TRAPPC9: variants seen among roughly 807,000 people sequenced by gnomAD.
TRAPPC9 encodes the protein trafficking protein particle complex subunit 9, also known as IKK2 binding protein.
TRAPPC9 carries 83 observed loss-of-function variants against 124.0 expected under a neutral mutation model. That is an observed-to-expected ratio of 0.67 (90% confidence interval 0.56 to 0.80). The LOEUF (loss-of-function observed/expected upper bound fraction) is 0.80, where lower values mean the gene tolerates loss of function less well. TRAPPC9 is among the 30% of genes least tolerant of loss of function. The pLI, the probability that TRAPPC9 is intolerant of heterozygous loss-of-function variation, is 0.00. For synonymous variants in TRAPPC9, 638 were observed against 617.5 expected (o/e 1.03, Z -0.49); for missense variants, 1,302 against 1,508.3 (o/e 0.86, Z 2.27).
intron 20 of TRAPPC9, among the ~76,000 whole-genome samples, chr8:139,888,760 A>G (rs1277045387): frequency 2.0e-5 from 3 of 152,240 alleles, no homozygotes. Context: ...AATACTCTGC[A>G]ATGAACTTTT....
chr8:140,264,874 G>A (rs1034603858), intron 15 of TRAPPC9, among the ~76,000 whole-genome samples: 2 of 152,166 alleles, frequency 1.3e-5, no homozygotes, highest in South Asian at 2.1e-4. Flanking sequence ...AGACAGGAGC[G>A]TGTGTTCTGG....
intron 16 of TRAPPC9, among the ~76,000 whole-genome samples, chr8:140,251,996 C>T (rs1321065235): frequency 1.3e-5 from 2 of 151,812 alleles, no homozygotes; most frequent in Non-Finnish European, 2.9e-5. Flanking sequence ...CAAATGAATG[C>T]TTCATAATTT....
At chr8:140,322,320 G>C (rs2066617118) in intron 9 of TRAPPC9, among the ~76,000 whole-genome samples, 1 of 152,204 alleles carries the variant, frequency 6.6e-6, no homozygotes, top group African/African-American at 2.4e-5. Context: ...CCCAAGGAGA[G>C]CTAGGACCAA....
At chr8:140,227,444 T>C (rs2063480727) in intron 16 of TRAPPC9, among the ~76,000 whole-genome samples, 1 of 152,084 alleles carries the variant, frequency 6.6e-6, no homozygotes, top group South Asian at 2.1e-4. Context: ...AGAGGGTATT[T>C]AAGAATGGTA....
intron 17 of TRAPPC9, among the ~76,000 whole-genome samples, chr8:140,165,344 A>C (rs1178598523): frequency 6.6e-6 from 1 of 151,870 alleles, no homozygotes; most frequent in Admixed American, 6.6e-5. Context: ...CCGTCTCAAA[A>C]GAAATAAAAA....
In TRAPPC9 at chr8:139,784,608, CA is replaced by C. The variant is rs1822065617; in HGVS notation, c.3056-52407del. On this transcript the variant is annotated intron_variant, in intron 21 of 22. Transcript: ENST00000438773. ...AATAAATAAATAAATAAAAGACTGA[CA>C]TATATATATATATATATATATATAT... 1.5e-4 allele frequency among the ~76,000 whole-genome samples: 13 copies of C among 88,678 alleles called. 1 individual carries two copies. The Admixed American group carries it at 1.5e-3, about 10-fold the overall frequency. 58.2% of individuals were successfully genotyped at this position (88,678 alleles called of 152,430 possible). A position where few individuals can be genotyped will look rare whatever the true frequency, so the allele number is the denominator to read the frequency against.
chr8:139,941,929 C>T (rs778379266), intron 19 of TRAPPC9, among the ~76,000 whole-genome samples: 1 of 152,168 alleles, frequency 6.6e-6, no homozygotes, highest in African/African-American at 2.4e-5. Context: ...GGGGAGGGTC[C>T]TGCAGATCGG....
chr8:140,088,664 A>ACTG (rs1406654988), intron 17 of TRAPPC9, among the ~76,000 whole-genome samples: 2 of 152,250 alleles, frequency 1.3e-5, no homozygotes, highest in African/African-American at 2.4e-5. Flanking sequence ...CAGTTGAACA[A>ACTG]TACAACTACG....
At chr8:139,774,074 T>C (rs1414642735) in intron 21 of TRAPPC9, among the ~76,000 whole-genome samples, 1 of 152,068 alleles carries the variant, frequency 6.6e-6, no homozygotes, top group Non-Finnish European at 1.5e-5. Flanking sequence ...GAGAGCGCAG[T>C]GGGAGAGAGA....
At chr8:140,165,980 G>A (rs928605557) in intron 17 of TRAPPC9, among the ~76,000 whole-genome samples, 1 of 152,112 alleles carries the variant, frequency 6.6e-6, no homozygotes, top group Non-Finnish European at 1.5e-5. Context: ...TCGATGTCTG[G>A]AGCAGCCAGG....
intron 17 of TRAPPC9, among the ~76,000 whole-genome samples, chr8:140,156,151 C>G (rs908484254): frequency 9.2e-5 from 14 of 152,186 alleles, no homozygotes; most frequent in Non-Finnish European, 2.1e-4. Context: ...ACCACAACAC[C>G]AGGCTACCAT....
At chr8:139,865,766 G>A (rs1034689833) in intron 21 of TRAPPC9, among the ~76,000 whole-genome samples, 13 of 152,298 alleles carry the variant, frequency 8.5e-5, no homozygotes, top group African/African-American at 2.2e-4. Context: ...GAGCTGCCCC[G>A]TGTGTGAGCC....
At chr8:140,086,007 C>T (rs895983083) in intron 17 of TRAPPC9, among the ~76,000 whole-genome samples, 24 of 151,914 alleles carry the variant, frequency 1.6e-4, no homozygotes, top group Admixed American at 6.6e-4. Context: ...TTCAGACTTG[C>T]ACACACAACT....
Position 139,730,772 on chromosome 8 carries a change from G to A in TRAPPC9, c.*289C>T, listed in dbSNP as rs754385217. On this transcript the variant is annotated 3_prime_UTR_variant, in exon 23 of 23. Coordinates refer to ENST00000438773, the MANE Select transcript of TRAPPC9 (RefSeq NM_001160372.4). ...ACAGAAATGGGTGCAGGGATCCTGG[G>A]ACCTGGGCTGGATGGGCACCCGCTT... The A allele has an allele frequency of 9.7e-5, 46 of 473,296 alleles. No individual in the cohort carries two copies. Among genetic ancestry groups the A allele is most frequent in the Non-Finnish European group, 8.5e-5 (22 of 259,334 alleles). 29.3% of individuals were successfully genotyped at this position (473,296 alleles called of 1,614,324 possible).
chr8:139,848,356 T>C lies in TRAPPC9; in HGVS notation c.3055+37523A>G, dbSNP rs370785060. Among the ~76,000 whole-genome samples, 30 of 152,254 alleles carry C rather than the reference T, an allele frequency of 2.0e-4. 1 individual carries two copies. In the South Asian group the frequency reaches 6.2e-3, roughly 32 times the overall value. ...ACAGAAAATAGACGAAATACACACA[T>C]GCATGAGAGACATGCACACATGCAC... On this transcript the variant is annotated intron_variant, in intron 21 of 22. Transcript: ENST00000438773.
At chr8:140,147,140 A>G (rs2130804418) in intron 17 of TRAPPC9, among the ~76,000 whole-genome samples, 1 of 152,324 alleles carries the variant, frequency 6.6e-6, no homozygotes, top group South Asian at 2.1e-4. Context: ...TGAACAGCCA[A>G]ATACCCACTT....
At chr8:139,755,748 G>T (rs1174053610) in intron 21 of TRAPPC9, among the ~76,000 whole-genome samples, 4 of 130,402 alleles carry the variant, frequency 3.1e-5, no homozygotes, top group African/African-American at 8.9e-5. Context: ...GAGGACAGCA[G>T]GTCGCAGGGG....
In TRAPPC9 at chr8:140,422,972, A is replaced by G. The variant is rs985701089; in HGVS notation, c.886+3643T>C. On this transcript the variant is annotated intron_variant, in intron 5 of 22. Coordinates refer to ENST00000438773, the MANE Select transcript of TRAPPC9 (RefSeq NM_001160372.4). Reference sequence around the variant, plus strand: ...TCCACCAGGATGGCCACAATCAAAAAGGTAACAAGTATTGACAAGGATGCA... The same window carrying G: ...TCCACCAGGATGGCCACAATCAAAAGGGTAACAAGTATTGACAAGGATGCA... Among the ~76,000 whole-genome samples, 16 of 152,332 alleles carry G rather than the reference A, an allele frequency of 1.1e-4. 1 individual carries two copies. Among genetic ancestry groups the G allele is most frequent in the African/African-American group, 3.4e-4 (14 of 41,582 alleles).
intron 21 of TRAPPC9, among the ~76,000 whole-genome samples, chr8:139,773,962 G>A (rs558921265): frequency 6.6e-6 from 1 of 152,332 alleles, no homozygotes; most frequent in Admixed American, 6.5e-5. Context: ...GTGGGACAGC[G>A]GTCGACCCTA....
Sources: allele counts gnomAD v4.1 joint callset (sites outside exome capture counted in the v4.1 genomes callset), GRCh38; gene constraint gnomAD v4.1.1; transcripts MANE v1.5; gene names NCBI Gene and HGNC (gene_info 2026-07-23, HGNC 2026-07-21).